CAMK1D: variants seen among roughly 807,000 people sequenced by gnomAD.
The protein encoded by CAMK1D is calcium/calmodulin-dependent protein kinase type 1D.
CAMK1D carries 9 observed loss-of-function variants against 47.7 expected under a neutral mutation model. The observed-to-expected ratio is 0.19, with a 90% confidence interval of 0.11 to 0.33. CAMK1D has a LOEUF of 0.33. CAMK1D is among the 10% of genes least tolerant of loss of function. CAMK1D has a pLI of 1.00. For synonymous variants in CAMK1D, 184 were observed against 184.9 expected (o/e 0.99, Z 0.04); for missense variants, 291 against 488.7 (o/e 0.60, Z 3.81).
chr10:12,782,151 A>G lies in CAMK1D; in HGVS notation c.566-9007A>G, dbSNP rs140811174. On this transcript the variant is annotated intron_variant, in intron 5 of 10. Coordinates refer to ENST00000619168, the MANE Select transcript of CAMK1D (RefSeq NM_153498.4). The stretch of plus-strand genomic sequence containing the variant: ...TTCTGTGACTTTGGATGGAAGACAG[A>G]CTTCAGGCAGAGAACGCTCCTGTGT... Among the ~76,000 whole-genome samples, 680 of 152,224 alleles carry G rather than the reference A, an allele frequency of 4.5e-3. 9 individuals are homozygous for G. The highest frequency in any genetic ancestry group is 0.015 in the African/African-American group (633 of 41,524).
intron 3 of CAMK1D, among the ~76,000 whole-genome samples, chr10:12,696,197 A>G (rs537386572): frequency 4.9e-4 from 75 of 152,292 alleles, no homozygotes; most frequent in Admixed American, 4.7e-3. Context: ...AGATTTTTCA[A>G]TAATTGTCCT....
At chr10:12,728,100 A>G (rs932218498) in intron 3 of CAMK1D, among the ~76,000 whole-genome samples, 3 of 152,194 alleles carry the variant, frequency 2.0e-5, no homozygotes, top group African/African-American at 4.8e-5. Flanking sequence ...AAATGTGTCA[A>G]AGGCTTCCCT....
chr10:12,779,361 C>G (rs181779978), intron 5 of CAMK1D, among the ~76,000 whole-genome samples: 1 of 152,320 alleles, frequency 6.6e-6, no homozygotes, highest in South Asian at 2.1e-4. Flanking sequence ...CAGAAAACAT[C>G]CGTATCAATC....
At chr10:12,788,095 A>G (rs1195604845) in intron 5 of CAMK1D, among the ~76,000 whole-genome samples, 1 of 152,192 alleles carries the variant, frequency 6.6e-6, no homozygotes, top group Non-Finnish European at 1.5e-5. Context: ...TCCATCCCCA[A>G]TATTGTCATC....
intron 1 of CAMK1D, among the ~76,000 whole-genome samples, chr10:12,383,934 G>C (rs369865084): frequency 3.5e-4 from 54 of 152,288 alleles, no homozygotes; most frequent in East Asian, 1.7e-3. Flanking sequence ...TTGCAGATGA[G>C]ATGATCCTGT....
At chr10:12,562,397 A>T (rs1836973008) in intron 2 of CAMK1D, among the ~76,000 whole-genome samples, 1 of 152,222 alleles carries the variant, frequency 6.6e-6, no homozygotes, top group Non-Finnish European at 1.5e-5. Context: ...GTTGGAGGAC[A>T]CGCTCAAAGC....
rs978268308 is a variant in CAMK1D, at chr10:12,832,527, A to C, written c.*3640A>C. On this transcript the variant is annotated 3_prime_UTR_variant, in exon 11 of 11. Transcript: ENST00000619168. ...CAGTGCACAGTGGCTGATTTTCACC[A>C]GTTCCTCCTACCCCTGCCTCTGTCG... is the stretch of plus-strand genomic sequence containing the variant. 2 of 152,252 alleles carry C rather than the reference A, an allele frequency of 1.3e-5. No homozygotes were observed. Among genetic ancestry groups the C allele is most frequent in the Non-Finnish European group, 2.9e-5 (2 of 68,076 alleles). The allele number at this position is 152,252 out of a possible 1,614,324, so 9.4% of individuals were successfully genotyped here.
rs1298566248 is a variant in CAMK1D at position 12,694,433 on chromosome 10, CAT to C, written c.299+27629_299+27630del. On this transcript the variant is annotated intron_variant, in intron 3 of 10. Transcript: ENST00000619168. Reference sequence around the variant, plus strand: ...AATATAAAATATATATGTTATATATCATATATAAAATATGAAATATATATGTT... The same window carrying C: ...AATATAAAATATATATGTTATATATCATATAAAATATGAAATATATATGTT... 4.2e-4 allele frequency among the ~76,000 whole-genome samples: 34 copies of C among 80,434 alleles called. 1 individual carries two copies. In the South Asian group the frequency reaches 8.6e-3, roughly 20 times the overall value. 52.8% of individuals were successfully genotyped at this position (80,434 alleles called of 152,430 possible).
intron 3 of CAMK1D, among the ~76,000 whole-genome samples, chr10:12,713,909 G>A (rs181591848): frequency 3.9e-5 from 6 of 152,314 alleles, no homozygotes; most frequent in East Asian, 3.9e-4. Context: ...AAGTAGCATC[G>A]TCTTTCCCCT....
Position 12,830,404 on chromosome 10 carries a change from C to T in CAMK1D, c.*1517C>T, listed in dbSNP as rs1470541444. 1 of 152,468 alleles carries T rather than the reference C, an allele frequency of 6.6e-6. No individual in the cohort carries two copies. Among genetic ancestry groups the T allele is most frequent in the Admixed American group, 6.5e-5 (1 of 15,276 alleles). The allele number at this position is 152,468 out of a possible 1,614,324, so 9.4% of individuals were successfully genotyped here. A position where few individuals can be genotyped will look rare whatever the true frequency, so the allele number is the denominator to read the frequency against. On this transcript the variant is annotated 3_prime_UTR_variant, in exon 11 of 11. Transcript: ENST00000619168. ...CAGCCACCACAGAGATGACCAAAGA[C>T]CACCTCCGCCAGGCCCAGCCAGTGC...
Position 12,412,307 on chromosome 10 carries a change from C to T in CAMK1D, c.92+62397C>T, listed in dbSNP as rs115895113. On this transcript the variant is annotated intron_variant, in intron 1 of 10. Coordinates refer to ENST00000619168, the MANE Select transcript of CAMK1D (RefSeq NM_153498.4). The stretch of plus-strand genomic sequence containing the variant: ...GTGTGCTGGTTGCCCCTCTTTACAG[C>T]GACTAGAAAGAGAAAAGTGGGGCTG... Among the ~76,000 whole-genome samples, 258 of 151,960 alleles carry T rather than the reference C, an allele frequency of 1.7e-3. 2 individuals carry two copies. The highest frequency in any genetic ancestry group is 6.1e-3 in the African/African-American group (251 of 41,448).
intron 1 of CAMK1D, among the ~76,000 whole-genome samples, chr10:12,373,812 C>G (rs61847394): frequency 6.6e-6 from 1 of 151,794 alleles, no homozygotes; most frequent in African/African-American, 2.4e-5. Context: ...CGGTGGCTCA[C>G]GCCTGTAATC....
rs183088299 is a variant in CAMK1D, at chr10:12,441,182, A to G, written c.92+91272A>G. Among the ~76,000 whole-genome samples, 50 of 152,340 alleles carry G rather than the reference A, an allele frequency of 3.3e-4. No individual in the cohort carries two copies. The East Asian group carries it at 8.9e-3, about 27-fold the overall frequency. On this transcript the variant is annotated intron_variant, in intron 1 of 10. Coordinates refer to ENST00000619168, the MANE Select transcript of CAMK1D (RefSeq NM_153498.4). ...TCATTTCTGAAGGCTCTCATGTCAC[A>G]TATGACTTACATTAATTTTTGTTTT... is the stretch of plus-strand genomic sequence containing the variant.
intron 5 of CAMK1D, among the ~76,000 whole-genome samples, chr10:12,777,970 T>C (rs1837335786): frequency 6.6e-6 from 1 of 152,230 alleles, no homozygotes; most frequent in Non-Finnish European, 1.5e-5. Context: ...GGGACCACAC[T>C]GTCCCCTGGG....
In CAMK1D at chr10:12,690,360, T is replaced by C. The variant is rs533095280; in HGVS notation, c.299+23550T>C. On this transcript the variant is annotated intron_variant, in intron 3 of 10. Transcript: ENST00000619168. ...TTTTCTATAAGAAACAATCTGTAGA[T>C]TGGAGAGACGCAGCCTCCAGTGTAA... Among the ~76,000 whole-genome samples, 4 of 152,280 alleles carry C rather than the reference T, an allele frequency of 2.6e-5. No individual in the cohort carries two copies. The South Asian group carries it at 6.2e-4, about 24-fold the overall frequency.
chr10:12,397,014 C>T (rs1838987531), intron 1 of CAMK1D, among the ~76,000 whole-genome samples: 1 of 152,204 alleles, frequency 6.6e-6, no homozygotes, highest in African/African-American at 2.4e-5. Context: ...GACCCAGCTC[C>T]TCCGCAGCCA....
intron 2 of CAMK1D, among the ~76,000 whole-genome samples, chr10:12,645,464 A>G (rs1324021236): frequency 1.3e-5 from 2 of 152,144 alleles, no homozygotes; most frequent in Non-Finnish European, 2.9e-5. Context: ...TCTCCCAGAG[A>G]TAGGGTGGGC....
chr10:12,693,820 C>G (rs918880476), intron 3 of CAMK1D, among the ~76,000 whole-genome samples: 3 of 142,914 alleles, frequency 2.1e-5, no homozygotes, highest in Non-Finnish European at 3.0e-5. Context: ...GAATTGGAGG[C>G]TACGGTGAAC....
At chr10:12,629,799 C>T (rs796467196) in intron 2 of CAMK1D, among the ~76,000 whole-genome samples, 6 of 152,358 alleles carry the variant, frequency 3.9e-5, no homozygotes, top group African/African-American at 1.2e-4. Context: ...GTTCTGGATA[C>T]AGAAGGAGGA....
Sources: gnomAD v4.1 joint callset for allele counts (sites outside exome capture counted in the v4.1 genomes callset) on GRCh38, gnomAD v4.1.1 for gene constraint, MANE v1.5 for transcripts, NCBI Gene and HGNC (gene_info 2026-07-23, HGNC 2026-07-21) for gene names.